Variants in SMIM5 observed in about 807,000 individuals in gnomAD.
SMIM5 encodes chromosome 17 open reading frame 109.
SMIM5 carries 4 observed loss-of-function variants against 4.0 expected under a neutral mutation model. The ratio of observed to expected loss-of-function variants is 1.01; its 90% CI spans 0.50 to 2.30. SMIM5 has a LOEUF of 2.30. SMIM5 is among the 30% of genes most tolerant of loss of function. The probability of loss-of-function intolerance (pLI) is 0.02; values close to 1 mark genes in which losing one functional copy is unlikely to be tolerated. For missense variants in SMIM5, 107 were observed against 99.2 expected, an observed-to-expected ratio of 1.08 and a Z score of -0.34; for synonymous variants, 46 against 43.6, an observed-to-expected ratio of 1.05 and a Z score of -0.22.
At chr17:75,635,714 G>A in intron 1 of SMIM5, 2 of 863,044 alleles carry the variant, frequency 2.3e-6, no homozygotes, top group Non-Finnish European at 2.8e-6. Context: ...ACGAGATAAT[G>A]CCCAACAGGG....
Position 75,633,768 on chromosome 17 carries a change from G to A in SMIM5, c.-471G>A, listed in dbSNP as rs758220884. ...GCAGGACTCCCCTCCACAGGCTCAG[G>A]TGGAGCCTCCCCAGGGTCCTCCTGG... On this transcript the variant is annotated 5_prime_UTR_variant, in exon 1 of 3. It adds an upstream start codon to the 5' untranslated region. Coordinates refer to ENST00000375215, the MANE Select transcript of SMIM5 (RefSeq NM_001162995.3). 1.2e-5 allele frequency: 12 copies of A among 1,022,158 alleles called. No homozygotes were observed. The highest frequency in any genetic ancestry group is 2.1e-4 in the East Asian group (2 of 9,392). The allele number at this position is 1,022,158 out of a possible 1,614,324, so 63.3% of individuals were successfully genotyped here.
At chr17:75,637,015 TG>T (rs1165776557) in intron 1 of SMIM5, 2 of 152,382 alleles carry the variant, frequency 1.3e-5, no homozygotes, top group Admixed American at 1.3e-4. Context: ...TTTTCCCCGC[TG>T]GAGGCCGGGG....
rs918561189 is a variant in SMIM5 at position 75,639,928 on chromosome 17, G to A, written c.-36-238G>A. On this transcript the variant is annotated intron_variant, in intron 1 of 2. Coordinates refer to ENST00000375215, the MANE Select transcript of SMIM5 (RefSeq NM_001162995.3). Reference sequence around the variant, plus strand: ...ACCACCACCAGCCGCCGCCTTGGCCGGCAGCCCCCGAAGCAAGCCCTTGGT... The same window carrying A: ...ACCACCACCAGCCGCCGCCTTGGCCAGCAGCCCCCGAAGCAAGCCCTTGGT... 39 of 369,484 alleles carry A rather than the reference G, an allele frequency of 1.1e-4. No individual in the cohort carries two copies. The East Asian group carries it at 1.2e-3, about 12-fold the overall frequency. 22.9% of individuals were successfully genotyped at this position (369,484 alleles called of 1,614,324 possible).
chr17:75,633,579 T>C lies in SMIM5; in HGVS notation c.-660T>C, dbSNP rs2059262801. On this transcript the variant is annotated 5_prime_UTR_variant, in exon 1 of 3. Transcript: ENST00000375215. Reference sequence around the variant, plus strand: ...GCGGCACAAGGGCCTCCCCAGGGACTGGTTGCAAAGCCTCCTGCTCAGCTT... The same window carrying C: ...GCGGCACAAGGGCCTCCCCAGGGACCGGTTGCAAAGCCTCCTGCTCAGCTT... 8.0e-7 allele frequency: 1 copy of C among 1,248,648 alleles called. No individual in the cohort carries two copies. The highest frequency in any genetic ancestry group is 1.3e-5 in the South Asian group (1 of 75,588). The allele number at this position is 1,248,648 out of a possible 1,614,324, so 77.3% of individuals were successfully genotyped here. A position where few individuals can be genotyped will look rare whatever the true frequency, so the allele number is the denominator to read the frequency against.
At chr17:75,634,361 A>G in intron 1 of SMIM5, 159 bp downstream of exon 1, 1 of 556,088 alleles carries the variant, frequency 1.8e-6, no homozygotes, top group Non-Finnish European at 2.3e-6. Flanking sequence ...CCTCCTGCAC[A>G]CACCTGCACT....
In SMIM5 at chr17:75,640,244, G is replaced by A. The variant is rs1228863469; in HGVS notation, c.43G>A (p.Glu15Lys). The A allele has an allele frequency of 3.1e-5, 48 of 1,551,214 alleles. No homozygotes were observed. Among genetic ancestry groups the A allele is most frequent in the Admixed American group, 7.9e-5 (4 of 50,946 alleles). ...CGTGCAGGAGATGCGCGCCGTGGGC[G>A]AGAGGCTGCTGCTCAAGCTGCAGAG... is the stretch of plus-strand genomic sequence containing the variant. ...DFVQEMRAVGERLLLKLQRLP... is the reference protein window; with the variant it reads ...DFVQEMRAVGKRLLLKLQRLP... The change falls in exon 2 of 3, where the codon GAG (glutamate) becomes AAG (lysine). Residue 15 changes from glutamate (E) to lysine (K), a missense_variant. Transcript: ENST00000375215. This position sits in a 1 kb window ranked among gnomAD's most constrained non-coding sequence, Gnocchi z 4.6.
rs779114640 is a variant in SMIM5, at chr17:75,640,429, C to T, written c.127+101C>T. 6.3e-6 allele frequency: 9 copies of T among 1,437,542 alleles called. No individual in the cohort carries two copies. The highest frequency in any genetic ancestry group is 1.4e-5 in the African/African-American group (1 of 69,580). 89.0% of individuals were successfully genotyped at this position (1,437,542 alleles called of 1,614,324 possible). A position where few individuals can be genotyped will look rare whatever the true frequency, so the allele number is the denominator to read the frequency against. On this transcript the variant is annotated intron_variant, in intron 2 of 2. Coordinates refer to ENST00000375215, the MANE Select transcript of SMIM5 (RefSeq NM_001162995.3). The surrounding 1 kb of genome is among the most constrained non-coding windows in gnomAD (Gnocchi z 4.6). ...GCTGGCAGAGGTGGCGGGTGTCTGCCGGATCAAGGAGGAAAACCAGTTGTC... is the reference window on the plus strand; with the variant it reads ...GCTGGCAGAGGTGGCGGGTGTCTGCTGGATCAAGGAGGAAAACCAGTTGTC...
rs894650777 is a variant in SMIM5, at chr17:75,640,907, G to A, written c.*10G>A. 1.9e-5 allele frequency: 30 copies of A among 1,541,356 alleles called. No homozygotes were observed. Among genetic ancestry groups the A allele is most frequent in the South Asian group, 4.8e-5 (4 of 84,046 alleles). ...GCCGACACCACCATGACGGACGGGC[G>A]ATGGCTGAGGAGAAGCTGGAGAGGA... On this transcript the variant is annotated 3_prime_UTR_variant, in exon 3 of 3. Coordinates refer to ENST00000375215, the MANE Select transcript of SMIM5 (RefSeq NM_001162995.3). This position sits in a 1 kb window ranked among gnomAD's most constrained non-coding sequence, Gnocchi z 4.6.
chr17:75,640,868 A>C lies in SMIM5; in HGVS notation c.205A>C (p.Lys69Gln). Residue 69 changes from lysine (K) to glutamine (Q), a missense_variant, in exon 3 of 3, where the codon AAG (lysine) becomes CAG (glutamine). Lys to Gln is a moderately conservative substitution (Grantham distance 53, BLOSUM62 1). Transcript: ENST00000375215. The surrounding 1 kb of genome is among the most constrained non-coding windows in gnomAD (Gnocchi z 4.6). ...HCCCPERRGRKVQVQPTPP is the reference protein window; with the variant it reads ...HCCCPERRGRQVQVQPTPP ...CTGCTGCCCTGAGCGGAGAGGCAGG[A>C]AGGTCCAGGTGCAGCCGACACCACC... 1 of 1,547,652 alleles carries C rather than the reference A, an allele frequency of 6.5e-7. No individual in the cohort carries two copies. Among genetic ancestry groups the C allele is most frequent in the South Asian group, 1.2e-5 (1 of 84,062 alleles).
At chr17:75,635,661 C>T in intron 1 of SMIM5, 1 of 445,918 alleles carries the variant, frequency 2.2e-6, no homozygotes, top group Non-Finnish European at 3.0e-6. Context: ...CCCTGCAAAT[C>T]TCCCACAAGT....
Position 75,640,854 on chromosome 17 carries a change from A to G in SMIM5, c.191A>G (p.Glu64Gly). The G allele has an allele frequency of 6.5e-7, 1 of 1,548,846 alleles. No homozygotes were observed. The highest frequency in any genetic ancestry group is 8.7e-7 in the Non-Finnish European group (1 of 1,146,952). ...TGCTGCACTCACTGCTGCTGCCCTG[A>G]GCGGAGAGGCAGGAAGGTCCAGGTG... Reference protein sequence around the residue: ...SCCCTHCCCPERRGRKVQVQP... With the variant: ...SCCCTHCCCPGRRGRKVQVQP... The change falls in exon 3 of 3, where the codon GAG (glutamate) becomes GGG (glycine). Residue 64 changes from glutamate to glycine, a missense_variant. Glu to Gly is a moderately conservative substitution (Grantham distance 98, BLOSUM62 -2). Coordinates refer to ENST00000375215, the MANE Select transcript of SMIM5 (RefSeq NM_001162995.3). The surrounding 1 kb of genome is among the most constrained non-coding windows in gnomAD (Gnocchi z 4.6).
In SMIM5 at chr17:75,633,831, C is replaced by T. The variant is rs1325252079; in HGVS notation, c.-408C>T. ...AGAGCCGACTTCTTTCTTCAGCTCC[C>T]AACCCAGGCCCAGCCCACGGCGTGG... On this transcript the variant is annotated 5_prime_UTR_variant, in exon 1 of 3. An upstream open reading frame in the 5' UTR gains an earlier in-frame stop. Coordinates refer to ENST00000375215, the MANE Select transcript of SMIM5 (RefSeq NM_001162995.3). 2.0e-6 allele frequency: 2 copies of T among 1,001,278 alleles called. No individual in the cohort carries two copies. Among genetic ancestry groups the T allele is most frequent in the African/African-American group, 3.5e-5 (2 of 57,532 alleles). 62.0% of individuals were successfully genotyped at this position (1,001,278 alleles called of 1,614,324 possible). A position where few individuals can be genotyped will look rare whatever the true frequency, so the allele number is the denominator to read the frequency against.
chr17:75,640,059 A>G lies in SMIM5; in HGVS notation c.-36-107A>G. Reference sequence around the variant, plus strand: ...CCAGGGGTGCAATGTGTGAGACCTGACAAACTTGTTCTGCGGGCTGCGGAT... The same window carrying G: ...CCAGGGGTGCAATGTGTGAGACCTGGCAAACTTGTTCTGCGGGCTGCGGAT... On this transcript the variant is annotated intron_variant, in intron 1 of 2. Transcript: ENST00000375215. The surrounding 1 kb of genome is among the most constrained non-coding windows in gnomAD (Gnocchi z 4.6). 8.1e-7 allele frequency: 1 copy of G among 1,242,112 alleles called. No individual in the cohort carries two copies. The highest frequency in any genetic ancestry group is 1.6e-5 in the South Asian group (1 of 62,830). 76.9% of individuals were successfully genotyped at this position (1,242,112 alleles called of 1,614,324 possible).
rs1230914509 is a variant in SMIM5 at position 75,640,195 on chromosome 17, G to A, written c.-7G>A. On this transcript the variant is annotated 5_prime_UTR_variant, in exon 2 of 3. Coordinates refer to ENST00000375215, the MANE Select transcript of SMIM5 (RefSeq NM_001162995.3). This position sits in a 1 kb window ranked among gnomAD's most constrained non-coding sequence, Gnocchi z 4.6. ...CGGCAGGAGCCCCAACAGGAAGCCA[G>A]CGCGGCATGGCTGCCACCGACTTCG... The A allele has an allele frequency of 3.9e-6, 6 of 1,544,374 alleles. No individual in the cohort carries two copies. The East Asian group carries it at 1.2e-4, about 31-fold the overall frequency.
rs1318470842 is a variant in SMIM5 at position 75,634,005 on chromosome 17, C to T, written c.-234C>T. 7.1e-6 allele frequency: 7 copies of T among 985,390 alleles called. No individual in the cohort carries two copies. Among genetic ancestry groups the T allele is most frequent in the African/African-American group, 3.5e-5 (2 of 57,204 alleles). The allele number at this position is 985,390 out of a possible 1,614,324, so 61.0% of individuals were successfully genotyped here. On this transcript the variant is annotated 5_prime_UTR_variant, in exon 1 of 3. It introduces an in-frame stop codon into an upstream open reading frame of the 5' UTR. Coordinates refer to ENST00000375215, the MANE Select transcript of SMIM5 (RefSeq NM_001162995.3). ...CAGGGCTTCCTCGGGCTCCCCCTCG[C>T]GACGGTAATTTGACACTTGGATCTC... is the stretch of plus-strand genomic sequence containing the variant.
intron 1 of SMIM5, among the ~76,000 whole-genome samples, chr17:75,635,405 A>T (rs1420683736): frequency 6.6e-6 from 1 of 152,166 alleles, no homozygotes; most frequent in Non-Finnish European, 1.5e-5. Flanking sequence ...TCTCCAACAC[A>T]GTCCCTGAAC....
intron 1 of SMIM5, chr17:75,635,744 C>A: frequency 1.0e-6 from 1 of 976,074 alleles, no homozygotes; most frequent in South Asian, 4.7e-5. Flanking sequence ...CTAAAACCCA[C>A]CATGACGAAA....
intron 1 of SMIM5, among the ~76,000 whole-genome samples, chr17:75,634,829 CTT>C (rs2059288467): frequency 6.6e-6 from 1 of 152,236 alleles, no homozygotes; most frequent in South Asian, 2.1e-4. Context: ...GGAGGACTGA[CTT>C]TCAACTCAGG....
At position 75,640,388 on chromosome 17, in the gene SMIM5, T is replaced by C. The variant is rs977290035; in HGVS notation, c.127+60T>C. 2.0e-6 allele frequency: 3 copies of C among 1,473,032 alleles called. No individual in the cohort carries two copies. Among genetic ancestry groups the C allele is most frequent in the Non-Finnish European group, 2.7e-6 (3 of 1,106,796 alleles). 91.2% of individuals were successfully genotyped at this position (1,473,032 alleles called of 1,614,324 possible). On this transcript the variant is annotated intron_variant, in intron 2 of 2. Coordinates refer to ENST00000375215, the MANE Select transcript of SMIM5 (RefSeq NM_001162995.3). This position sits in a 1 kb window ranked among gnomAD's most constrained non-coding sequence, Gnocchi z 4.6. ...CTGGCATCTGGGAGAGACCACACCATGGTGCCAGCCAGAGGGCTGGCAGAG... is the reference window on the plus strand; with the variant it reads ...CTGGCATCTGGGAGAGACCACACCACGGTGCCAGCCAGAGGGCTGGCAGAG...
Sources: allele counts gnomAD v4.1 joint callset (sites outside exome capture counted in the v4.1 genomes callset), GRCh38; gene constraint gnomAD v4.1.1; non-coding constraint Gnocchi (gnomAD v3.1); transcripts MANE v1.5; gene names NCBI Gene and HGNC (gene_info 2026-07-23, HGNC 2026-07-21).